Variants in ESRRG observed in about 807,000 individuals in gnomAD.
ESRRG encodes the protein estrogen related receptor gamma.
ESRRG carries 13 observed loss-of-function variants against 44.0 expected under a neutral mutation model. The observed-to-expected ratio is 0.30, with a 90% CI of 0.19 to 0.47. The LOEUF (loss-of-function observed/expected upper bound fraction) is 0.47. Ranked by LOEUF, ESRRG falls within the 20% of genes least tolerant of loss-of-function variation. The pLI is 1.00. For missense variants in ESRRG, 395 were observed against 580.6 expected (o/e 0.68, Z 3.29); for synonymous variants, 215 against 214.6 (o/e 1.00, Z -0.02).
intron 2 of ESRRG, among the ~76,000 whole-genome samples, chr1:216,736,189 T>G (rs2089872224): frequency 7.4e-6 from 1 of 134,924 alleles, no homozygotes; most frequent in East Asian, 2.2e-4. Flanking sequence ...TTTTTTTTTT[T>G]TTTTTTTTTT....
At chr1:217,058,660 GTAT>G (rs1351064484) in intron 1 of ESRRG, among the ~76,000 whole-genome samples, 1 of 152,032 alleles carries the variant, frequency 6.6e-6, no homozygotes, top group Non-Finnish European at 1.5e-5. Context: ...ACTAGTATTA[GTAT>G]TGTCCTCCTG....
intron 2 of ESRRG, among the ~76,000 whole-genome samples, chr1:216,880,226 G>A (rs2096421622): frequency 7.5e-6 from 1 of 132,458 alleles, no homozygotes. Flanking sequence ...AGAATTGCTT[G>A]AACCCAGGAG....
chr1:216,619,949 T>C (rs996967010), intron 3 of ESRRG, among the ~76,000 whole-genome samples: 1 of 152,102 alleles, frequency 6.6e-6, no homozygotes, highest in African/African-American at 2.4e-5. Context: ...GTCAAGAAGA[T>C]TGAAAGCACA....
intron 2 of ESRRG, among the ~76,000 whole-genome samples, chr1:216,784,521 A>G (rs1166488588): frequency 6.6e-6 from 1 of 152,084 alleles, no homozygotes; most frequent in Non-Finnish European, 1.5e-5. Flanking sequence ...TCTGAGTTTC[A>G]ATAGAGAAGG....
intron 1 of ESRRG, among the ~76,000 whole-genome samples, chr1:216,977,902 T>A (rs916949206): frequency 2.0e-5 from 3 of 151,994 alleles, no homozygotes; most frequent in African/African-American, 7.3e-5. Flanking sequence ...ATAAAAAGGG[T>A]GAGTTTGGTC....
At chr1:216,896,492 A>AC (rs1415450309) in intron 2 of ESRRG, among the ~76,000 whole-genome samples, 4 of 152,184 alleles carry the variant, frequency 2.6e-5, no homozygotes, top group African/African-American at 9.6e-5. Flanking sequence ...ACAGATTGTT[A>AC]GGGGGAGCTG....
chr1:217,019,336 G>A (rs1172194393), intron 1 of ESRRG, among the ~76,000 whole-genome samples: 1 of 152,172 alleles, frequency 6.6e-6, no homozygotes, highest in East Asian at 1.9e-4. Flanking sequence ...GCAGAGAGAG[G>A]ACTTAGGTCC....
At chr1:216,960,084 G>A (rs1054203062) in intron 1 of ESRRG, among the ~76,000 whole-genome samples, 6 of 151,940 alleles carry the variant, frequency 3.9e-5, no homozygotes, top group Non-Finnish European at 7.4e-5. Context: ...GTGTGTGTAT[G>A]TACATTTAAT....
chr1:216,732,668 G>C (rs1330281902), intron 2 of ESRRG, among the ~76,000 whole-genome samples: 1 of 151,924 alleles, frequency 6.6e-6, no homozygotes. Flanking sequence ...ACTGGGCATG[G>C]TGGCGTGCAC....
intron 2 of ESRRG, among the ~76,000 whole-genome samples, chr1:216,937,479 T>C (rs2064336550): frequency 6.6e-6 from 1 of 152,204 alleles, no homozygotes; most frequent in African/African-American, 2.4e-5. Context: ...CTGCCTCCTG[T>C]GAATAAATGC....
intron 2 of ESRRG, among the ~76,000 whole-genome samples, chr1:216,749,893 C>T (rs1346874852): frequency 6.6e-6 from 1 of 152,172 alleles, no homozygotes; most frequent in Non-Finnish European, 1.5e-5. Context: ...GCATCATAAA[C>T]TTTATCCCCA....
intron 1 of ESRRG, among the ~76,000 whole-genome samples, chr1:217,120,988 C>G (rs1166338): frequency 0.45 from 67,781 of 151,976 alleles, 15,782 homozygotes; most frequent in African/African-American, 0.58. Flanking sequence ...ACAGTGCCTA[C>G]AGACACACAA....
intron 5 of ESRRG, among the ~76,000 whole-genome samples, chr1:216,552,139 T>C (rs1467301970): frequency 6.6e-6 from 1 of 152,096 alleles, no homozygotes; most frequent in Non-Finnish European, 1.5e-5. Flanking sequence ...AAAATAACTT[T>C]CCTAAAACAT....
intron 2 of ESRRG, among the ~76,000 whole-genome samples, chr1:216,798,843 G>C (rs2094540661): frequency 1.3e-5 from 2 of 152,138 alleles, no homozygotes; most frequent in Admixed American, 6.6e-5. Context: ...CTGTTGTGGA[G>C]TAATGGGTTA....
At chr1:216,533,894 T>A (rs2050133796) in intron 5 of ESRRG, among the ~76,000 whole-genome samples, 1 of 152,172 alleles carries the variant, frequency 6.6e-6, no homozygotes, top group African/African-American at 2.4e-5. Flanking sequence ...AAAGGCCATG[T>A]AATTATGAAA....
intron 1 of ESRRG, among the ~76,000 whole-genome samples, chr1:217,003,176 G>A (rs1282937569): frequency 6.6e-6 from 1 of 152,022 alleles, no homozygotes. Flanking sequence ...TCTTTCATTT[G>A]ACTGATATTA....
chr1:216,888,126 A>C (rs1253261216), intron 2 of ESRRG, among the ~76,000 whole-genome samples: 1 of 152,164 alleles, frequency 6.6e-6, no homozygotes, highest in Non-Finnish European at 1.5e-5. Flanking sequence ...GAAACAATGC[A>C]ATTTTTCCTT....
At chr1:216,932,524 T>G (rs1057299250) in intron 2 of ESRRG, among the ~76,000 whole-genome samples, 3 of 151,870 alleles carry the variant, frequency 2.0e-5, no homozygotes, top group African/African-American at 7.3e-5. Context: ...TCGCACAATT[T>G]TGGTAGGGGT....
chr1:216,725,378 G>T (rs2087289295), upstream of ESRRG, among the ~76,000 whole-genome samples: 1 of 152,004 alleles, frequency 6.6e-6, no homozygotes, highest in Non-Finnish European at 1.5e-5. Context: ...TTGGTTGTGA[G>T]CAGTGAATTA....
Sources: gnomAD v4.1 joint callset for allele counts (sites outside exome capture counted in the v4.1 genomes callset) on GRCh38, gnomAD v4.1.1 for gene constraint, MANE v1.5 for transcripts, NCBI Gene and HGNC (gene_info 2026-07-23, HGNC 2026-07-21) for gene names.